Variants in SDK1 observed in about 807,000 individuals in gnomAD.
The protein encoded by SDK1 is protein sidekick-1.
In SDK1, 157 loss-of-function variants were observed where a neutral mutation model predicts 245.5. The observed-to-expected ratio is 0.64, with a 90% CI of 0.56 to 0.73. SDK1 has a LOEUF of 0.73. Ranked by LOEUF, SDK1 falls within the 30% of genes least tolerant of loss-of-function variation. SDK1 has a pLI of 0.00. For missense variants in SDK1, 3,583 were observed against 3,002.3 expected, an observed-to-expected ratio of 1.19 and a Z score of -4.52; for synonymous variants, 1,647 against 1,278.5, an observed-to-expected ratio of 1.29 and a Z score of -6.15.
intron 4 of SDK1, among the ~76,000 whole-genome samples, chr7:3,656,061 A>T (rs944123501): frequency 6.6e-6 from 1 of 152,208 alleles, no homozygotes; most frequent in Non-Finnish European, 1.5e-5. Context: ...CCAATTGTCT[A>T]CATGAGCACA....
At chr7:3,486,205 T>G (rs532670564) in intron 1 of SDK1, among the ~76,000 whole-genome samples, 29 of 152,082 alleles carry the variant, frequency 1.9e-4, no homozygotes, top group Non-Finnish European at 3.4e-4. Flanking sequence ...TTTGCTTAGC[T>G]TTTAATGTTA....
intron 4 of SDK1, among the ~76,000 whole-genome samples, chr7:3,668,790 C>G (rs1281108348): frequency 6.6e-6 from 1 of 152,150 alleles, no homozygotes; most frequent in Non-Finnish European, 1.5e-5. Flanking sequence ...AATTCCTACT[C>G]AAACAAAACA....
intron 4 of SDK1, among the ~76,000 whole-genome samples, chr7:3,800,402 G>T (rs1779078270): frequency 7.5e-6 from 1 of 132,488 alleles, no homozygotes; most frequent in South Asian, 2.5e-4. Flanking sequence ...TATTTATTGA[G>T]ACAGAGTCTC....
At chr7:4,051,858 A>T in intron 19 of SDK1, 28 bp downstream of exon 19, 5 of 1,586,034 alleles carry the variant, frequency 3.2e-6, no homozygotes, top group Non-Finnish European at 4.3e-6. Context: ...CGTGTCTCTT[A>T]AGTCACTTGT....
At chr7:4,255,949 T>A (rs1428980096) in intron 44 of SDK1, among the ~76,000 whole-genome samples, 1 of 146,978 alleles carries the variant, frequency 6.8e-6, no homozygotes, top group African/African-American at 2.5e-5. Flanking sequence ...AGAGGGAGTC[T>A]TGCTCTGTCA....
At chr7:3,959,162 G>A in intron 8 of SDK1, 148 bp downstream of exon 8, 2 of 666,456 alleles carry the variant, frequency 3.0e-6, no homozygotes, top group South Asian at 3.6e-5. Flanking sequence ...TCTTGGGGCA[G>A]TGACTGTGGG....
intron 1 of SDK1, among the ~76,000 whole-genome samples, chr7:3,321,677 C>T (rs1289558293): frequency 1.3e-5 from 2 of 149,472 alleles, no homozygotes; most frequent in Non-Finnish European, 3.0e-5. Flanking sequence ...GTTGGTTTCT[C>T]TTCTTCCTTC....
intron 1 of SDK1, among the ~76,000 whole-genome samples, chr7:3,482,894 C>T (rs752432747): frequency 2.6e-5 from 4 of 152,164 alleles, no homozygotes; most frequent in Admixed American, 6.5e-5. Context: ...TTGCCTGACA[C>T]GTAATAAGTG....
intron 20 of SDK1, among the ~76,000 whole-genome samples, chr7:4,069,958 G>C (rs915694019): frequency 1.3e-5 from 2 of 152,154 alleles, no homozygotes; most frequent in Non-Finnish European, 2.9e-5. Flanking sequence ...GGTGAGGTTT[G>C]AACCATGCTC....
chr7:3,393,060 T>G (rs1223284335), intron 1 of SDK1, among the ~76,000 whole-genome samples: 1 of 139,374 alleles, frequency 7.2e-6, no homozygotes, highest in Non-Finnish European at 1.5e-5. Flanking sequence ...AATCTCCGCC[T>G]CCTAGGTTCA....
intron 1 of SDK1, among the ~76,000 whole-genome samples, chr7:3,418,208 A>G (rs1351556774): frequency 6.6e-6 from 1 of 150,462 alleles, no homozygotes; most frequent in Non-Finnish European, 1.5e-5. Context: ...TCCCAGCTAC[A>G]TGGGAGGCTG....
At chr7:4,068,570 G>A (rs972564082) in intron 20 of SDK1, among the ~76,000 whole-genome samples, 18 of 152,018 alleles carry the variant, frequency 1.2e-4, no homozygotes, top group Non-Finnish European at 2.6e-4. Context: ...TGAGGAGACT[G>A]TGAGGCAGGT....
At chr7:3,330,908 G>A (rs1393420043) in intron 1 of SDK1, among the ~76,000 whole-genome samples, 2 of 151,360 alleles carry the variant, frequency 1.3e-5, no homozygotes, top group Non-Finnish European at 2.9e-5. Context: ...GGAGGCTGCA[G>A]TAAACTTTGA....
intron 1 of SDK1, among the ~76,000 whole-genome samples, chr7:3,461,768 C>A (rs545100179): frequency 3.9e-5 from 6 of 152,314 alleles, no homozygotes; most frequent in African/African-American, 1.4e-4. Context: ...ACAGAAATGA[C>A]TGACCTGCAT....
At chr7:4,073,982 A>C (rs1188110626) in intron 20 of SDK1, among the ~76,000 whole-genome samples, 1 of 152,106 alleles carries the variant, frequency 6.6e-6, no homozygotes, top group Non-Finnish European at 1.5e-5. Context: ...GGGGGAGGTC[A>C]CAGTCTTCCC....
intron 1 of SDK1, among the ~76,000 whole-genome samples, chr7:3,370,951 C>G (rs945264215): frequency 1.1e-4 from 17 of 152,122 alleles, no homozygotes; most frequent in African/African-American, 3.9e-4. Context: ...TCCCAACATG[C>G]AGCCCCGCAG....
intron 17 of SDK1, among the ~76,000 whole-genome samples, chr7:4,039,616 A>G (rs1788466572): frequency 6.6e-6 from 1 of 152,230 alleles, no homozygotes; most frequent in Non-Finnish European, 1.5e-5. Flanking sequence ...ACTCATGAAT[A>G]TAAATGTCAG....
At chr7:4,089,878 A>C (rs1216426389) in intron 22 of SDK1, among the ~76,000 whole-genome samples, 4 of 152,140 alleles carry the variant, frequency 2.6e-5, no homozygotes, top group Admixed American at 1.3e-4. Context: ...TCGGTAACAA[A>C]AGGCTCCACT....
chr7:3,645,199 C>G (rs1417589576), intron 4 of SDK1, among the ~76,000 whole-genome samples: 1 of 152,066 alleles, frequency 6.6e-6, no homozygotes, highest in Non-Finnish European at 1.5e-5. Flanking sequence ...TCCTGGTGAG[C>G]TAATAAAGTA....
Sources: allele counts gnomAD v4.1 joint callset (sites outside exome capture counted in the v4.1 genomes callset), GRCh38; gene constraint gnomAD v4.1.1; transcripts MANE v1.5; gene names NCBI Gene and HGNC (gene_info 2026-07-23, HGNC 2026-07-21).